The following PHF21A variants were observed in gnomAD, a reference collection of about 807,000 sequenced individuals.
PHF21A encodes the protein PHD finger protein 21A, also known as BHC80a.
A neutral mutation model predicts 82.5 loss-of-function variants in PHF21A; 11 were observed. The observed-to-expected ratio is 0.13, with a 90% CI of 0.08 to 0.22. The LOEUF is 0.22. PHF21A is among the 10% of genes least tolerant of loss of function. The pLI, the probability that PHF21A is intolerant of heterozygous loss-of-function variation, is 1.00. For missense variants in PHF21A, 579 were observed against 837.8 expected (o/e 0.69, Z 3.81); for synonymous variants, 297 against 302.8 (o/e 0.98, Z 0.20).
intron 15 of PHF21A, among the ~76,000 whole-genome samples, chr11:45,941,309 AG>A (rs371930578): frequency 3.3e-5 from 5 of 152,246 alleles, no homozygotes; most frequent in South Asian, 2.1e-4. Flanking sequence ...TTTATTACCC[AG>A]GCTGGTAAAA....
chr11:45,950,710 A>G (rs972340153), intron 11 of PHF21A, among the ~76,000 whole-genome samples: 2 of 152,194 alleles, frequency 1.3e-5, no homozygotes, highest in South Asian at 4.1e-4. Context: ...GACAGAAATC[A>G]GTATCTTGTG....
intron 2 of PHF21A, among the ~76,000 whole-genome samples, chr11:46,091,454 T>C (rs554453461): frequency 7.0e-4 from 106 of 152,348 alleles, no homozygotes; most frequent in African/African-American, 2.4e-3. Flanking sequence ...AAAAAATGTT[T>C]GCCTGTATGC....
intron 15 of PHF21A, 55 bp from the exon 16 acceptor site, chr11:45,938,367 G>T (rs2089603476): frequency 7.0e-7 from 1 of 1,430,134 alleles, no homozygotes; most frequent in Admixed American, 1.8e-5. Flanking sequence ...AAATTTTAAT[G>T]TTAACATGCA....
chr11:45,980,290 A>G (rs1307442380), intron 6 of PHF21A, among the ~76,000 whole-genome samples: 1 of 152,210 alleles, frequency 6.6e-6, no homozygotes, highest in Non-Finnish European at 1.5e-5. Context: ...AGCAGTAAAA[A>G]GCAGGACTCT....
rs554682083 is a variant in PHF21A at position 45,949,097 on chromosome 11, G to T, written c.1228-151C>A. ...GGTCTCAATGCTCAAGGGTTTTATT[G>T]TATGTACTTGGCTCTCAGAGACTCT... On this transcript the variant is annotated intron_variant, in intron 13 of 18. Coordinates refer to ENST00000676320, the MANE Select transcript of PHF21A (RefSeq NM_001352027.3). 76 of 714,556 alleles carry T rather than the reference G, an allele frequency of 1.1e-4. No homozygotes were observed. The African/African-American group carries it at 1.2e-3, about 11-fold the overall frequency. The allele number at this position is 714,556 out of a possible 1,614,324, so 44.3% of individuals were successfully genotyped here.
rs747382214 is a variant in PHF21A, at chr11:45,934,151, C to T, written c.1863G>A (p.Gln621=). 3.1e-6 allele frequency: 5 copies of T among 1,614,150 alleles called. No individual in the cohort carries two copies. The highest frequency in any genetic ancestry group is 4.2e-6 in the Non-Finnish European group (5 of 1,180,030). Residue 621 remains glutamine (Q), a synonymous_variant, in exon 19 of 19, where the codon CAG becomes CAA. Coordinates refer to ENST00000676320, the MANE Select transcript of PHF21A (RefSeq NM_001352027.3). ...EMHSSLEKVK[Q]LIRLIHGIDL... ...CGATGCCGTGGATGAGGCGAATCAGCTGTTTTACCTTCTCCAGGGAGCTGT... is the reference window on the plus strand; with the variant it reads ...CGATGCCGTGGATGAGGCGAATCAGTTGTTTTACCTTCTCCAGGGAGCTGT...
At chr11:45,939,880 G>A (rs546127682) in intron 15 of PHF21A, among the ~76,000 whole-genome samples, 9 of 152,158 alleles carry the variant, frequency 5.9e-5, no homozygotes, top group Admixed American at 2.0e-4. Context: ...GAACACCAGG[G>A]AAGGGAAGAC....
chr11:46,068,885 G>A (rs2096625120), intron 6 of PHF21A, among the ~76,000 whole-genome samples: 1 of 152,156 alleles, frequency 6.6e-6, no homozygotes, highest in Non-Finnish European at 1.5e-5. Context: ...CAACTGACTT[G>A]ATTTCCTCTG....
At chr11:46,066,892 T>C (rs1234897101) in intron 6 of PHF21A, among the ~76,000 whole-genome samples, 3 of 152,202 alleles carry the variant, frequency 2.0e-5, no homozygotes, top group East Asian at 1.9e-4. Context: ...AATGCATAAA[T>C]ACAAACACAG....
intron 1 of PHF21A, among the ~76,000 whole-genome samples, chr11:46,112,538 A>C (rs2097228795): frequency 6.6e-6 from 1 of 152,228 alleles, no homozygotes; most frequent in Non-Finnish European, 1.5e-5. Flanking sequence ...TAAAAATATA[A>C]ATAAATTATT....
intron 1 of PHF21A, among the ~76,000 whole-genome samples, chr11:46,103,457 T>C (rs1201865129): frequency 2.6e-5 from 4 of 152,222 alleles, no homozygotes; most frequent in South Asian, 2.1e-4. Flanking sequence ...TAAAAATATT[T>C]GTCGAGCCAA....
intron 14 of PHF21A, among the ~76,000 whole-genome samples, chr11:45,946,955 C>T (rs118097121): frequency 0.01 from 1,536 of 152,298 alleles, 11 homozygotes; most frequent in Middle Eastern, 0.024. Context: ...CTGGGCTTAG[C>T]AATTAATGTT....
intron 8 of PHF21A, chr11:45,970,201 A>C: frequency 3.3e-6 from 1 of 305,466 alleles, no homozygotes; most frequent in South Asian, 3.7e-5. Context: ...TTGCATTAAC[A>C]TATTTTAAAA....
chr11:46,079,303 CCTT>C, intron 4 of PHF21A, 137 bp from the exon 5 acceptor site: 1 of 556,980 alleles, frequency 1.8e-6, no homozygotes, highest in Admixed American at 2.8e-5. Context: ...CAGACTAAAA[CCTT>C]CTGTGATCCA....
At chr11:46,083,380 C>T (rs2096817884) in intron 4 of PHF21A, among the ~76,000 whole-genome samples, 1 of 152,128 alleles carries the variant, frequency 6.6e-6, no homozygotes, top group Non-Finnish European at 1.5e-5. Context: ...GATATTCTCC[C>T]AACGATTTCA....
intron 10 of PHF21A, among the ~76,000 whole-genome samples, chr11:45,955,749 C>G (rs1310574234): frequency 6.6e-6 from 1 of 152,134 alleles, no homozygotes; most frequent in Non-Finnish European, 1.5e-5. Flanking sequence ...GGTGTCTTTC[C>G]TTCGTGGATC....
chr11:46,120,743 T>C (rs765181642), intron 1 of PHF21A, among the ~76,000 whole-genome samples, 192 bp downstream of exon 1: 1 of 142,002 alleles, frequency 7.0e-6, no homozygotes, highest in Admixed American at 6.9e-5. Flanking sequence ...CCCCTCCCCC[T>C]ACCTCCCCCC....
chr11:45,987,617 C>T (rs1019573733), intron 6 of PHF21A, among the ~76,000 whole-genome samples: 2 of 132,340 alleles, frequency 1.5e-5, no homozygotes, highest in African/African-American at 2.9e-5. Context: ...GCCAAGATCA[C>T]GCCACTGTAC....
intron 3 of PHF21A, 66 bp from the exon 4 acceptor site, chr11:46,084,368 A>T: frequency 1.9e-6 from 1 of 535,958 alleles, no homozygotes; most frequent in Non-Finnish European, 3.1e-6. Flanking sequence ...ATGTTAAATA[A>T]ATTATGTTAG....
Sources: gnomAD v4.1 joint callset for allele counts (sites outside exome capture counted in the v4.1 genomes callset) on GRCh38, gnomAD v4.1.1 for gene constraint, MANE v1.5 for transcripts, NCBI Gene and HGNC (gene_info 2026-07-23, HGNC 2026-07-21) for gene names.